Variants in VAV3 observed in about 807,000 individuals in gnomAD.
The protein encoded by VAV3 is guanine nucleotide exchange factor VAV3.
In VAV3, 94 loss-of-function variants were observed where a neutral mutation model predicts 131.2. The observed-to-expected ratio is 0.72, with a 90% CI of 0.61 to 0.85. The LOEUF (loss-of-function observed/expected upper bound fraction) is 0.85. VAV3 is among the 40% of genes least tolerant of loss of function. The probability of loss-of-function intolerance (pLI) is 0.00; values close to 1 mark genes in which losing one functional copy is unlikely to be tolerated. For synonymous variants in VAV3, 349 were observed against 342.0 expected (o/e 1.02, Z -0.22); for missense variants, 939 against 1,002.7 (o/e 0.94, Z 0.86).
At chr1:107,621,739 T>C (rs1032833335) in intron 20 of VAV3, among the ~76,000 whole-genome samples, 9 of 152,176 alleles carry the variant, frequency 5.9e-5, no homozygotes, top group African/African-American at 2.2e-4. Context: ...AATCATCTTT[T>C]AGTTATCCTC....
At chr1:107,740,647 T>C (rs954420448) in intron 15 of VAV3, among the ~76,000 whole-genome samples, 37 of 152,154 alleles carry the variant, frequency 2.4e-4, no homozygotes, top group Non-Finnish European at 5.1e-4. Flanking sequence ...GGCCACAGCG[T>C]GGTTTCATTA....
chr1:107,658,698 A>C (rs888537448), intron 19 of VAV3, among the ~76,000 whole-genome samples: 3 of 152,178 alleles, frequency 2.0e-5, no homozygotes, highest in Non-Finnish European at 2.9e-5. Context: ...TCTGATGGCC[A>C]GTGATGATGA....
intron 1 of VAV3, among the ~76,000 whole-genome samples, chr1:107,886,765 C>G (rs1253093945): frequency 1.3e-5 from 2 of 152,062 alleles, no homozygotes; most frequent in African/African-American, 4.8e-5. Context: ...CTCTCCCAAG[C>G]AGCACACCCC....
chr1:107,833,439 C>T (rs1668342238), intron 2 of VAV3, among the ~76,000 whole-genome samples: 1 of 152,184 alleles, frequency 6.6e-6, no homozygotes, highest in African/African-American at 2.4e-5. Flanking sequence ...ATCTTCATAA[C>T]ATAATTTTAA....
At chr1:107,577,893 T>C (rs1222835182) in intron 25 of VAV3, among the ~76,000 whole-genome samples, 1 of 152,204 alleles carries the variant, frequency 6.6e-6, no homozygotes, top group Non-Finnish European at 1.5e-5. Context: ...TAATCTGAAC[T>C]GTGACAAAAA....
intron 2 of VAV3, among the ~76,000 whole-genome samples, chr1:107,868,706 G>A (rs899399967): frequency 4.6e-5 from 7 of 152,296 alleles, no homozygotes; most frequent in Non-Finnish European, 1.0e-4. Flanking sequence ...GATAGGAGAT[G>A]TAGAGGCTTA....
At chr1:107,670,379 C>T (rs539241091) in intron 19 of VAV3, among the ~76,000 whole-genome samples, 1 of 152,212 alleles carries the variant, frequency 6.6e-6, no homozygotes, top group Non-Finnish European at 1.5e-5. Context: ...TACTTCTATA[C>T]CCTATGCCTG....
At position 107,857,781 on chromosome 1, in the gene VAV3, CA is replaced by C. The variant is rs201011870; in HGVS notation, c.321+17119del. Among the ~76,000 whole-genome samples the C allele has an allele frequency of 5.2e-3, 787 of 152,146 alleles. 10 individuals are homozygous for C. The highest frequency in any genetic ancestry group is 0.013 in the Admixed American group (196 of 15,272). On this transcript the variant is annotated intron_variant, in intron 2 of 26. Transcript: ENST00000370056. ...TCAGAAAAAGAATTGTCAACTTTAC[CA>C]AAAGACTTTGCTGGGCCTCTTAAAG...
chr1:107,726,950 TCACA>T (rs1661881595), intron 15 of VAV3, among the ~76,000 whole-genome samples: 1 of 151,770 alleles, frequency 6.6e-6, no homozygotes, highest in Admixed American at 6.6e-5. Context: ...ACACACACAC[TCACA>T]CAATGAGTAA....
chr1:107,670,447 A>T (rs568230450), intron 19 of VAV3, among the ~76,000 whole-genome samples: 3 of 152,226 alleles, frequency 2.0e-5, no homozygotes, highest in Non-Finnish European at 4.4e-5. Context: ...ATAACAGCCA[A>T]ATTAAAACCT....
chr1:107,773,935 ACTC>A lies in VAV3; in HGVS notation c.447-1095_447-1093del, dbSNP rs920482281. 2.2e-4 allele frequency among the ~76,000 whole-genome samples: 34 copies of A among 151,906 alleles called. 1 individual carries two copies. The South Asian group carries it at 3.3e-3, about 15-fold the overall frequency. ...TTTCCCTGGCACTCCTAATCCCAGAACTCCTGCTTGTCATCCCTAACATCACCA... is the reference window on the plus strand; with the variant it reads ...TTTCCCTGGCACTCCTAATCCCAGAACTGCTTGTCATCCCTAACATCACCA... On this transcript the variant is annotated intron_variant, in intron 4 of 26. Coordinates refer to ENST00000370056, the MANE Select transcript of VAV3 (RefSeq NM_006113.5).
Position 107,770,680 on chromosome 1 carries a change from G to C in VAV3, c.604C>G (p.Gln202Glu). The change falls in exon 6 of 27, where the codon CAG becomes GAG. Residue 202 changes from glutamine to glutamate, a missense_variant. Coordinates refer to ENST00000370056, the MANE Select transcript of VAV3 (RefSeq NM_006113.5). ...IRSCCLAEIK[Q>E]TEEKYTETLE... Reference sequence around the variant, plus strand: ...GTTTCTGTATATTTTTCTTCTGTCTGCTTAATTTCTGCTAGACAACAACTT... The same window carrying C: ...GTTTCTGTATATTTTTCTTCTGTCTCCTTAATTTCTGCTAGACAACAACTT... The C allele has an allele frequency of 6.2e-7, 1 of 1,611,970 alleles. No homozygotes were observed. Among genetic ancestry groups the C allele is most frequent in the African/African-American group, 1.3e-5 (1 of 74,942 alleles).
intron 15 of VAV3, among the ~76,000 whole-genome samples, chr1:107,706,557 G>C (rs17019743): frequency 0.099 from 15,121 of 152,152 alleles, 1,012 homozygotes; most frequent in East Asian, 0.27. Flanking sequence ...TTGTGTTACT[G>C]ATTAAAAATT....
chr1:107,879,445 T>C (rs994815544), intron 1 of VAV3, among the ~76,000 whole-genome samples: 2 of 152,222 alleles, frequency 1.3e-5, no homozygotes, highest in South Asian at 4.1e-4. Context: ...AAGCCAATTC[T>C]TATCTCACTG....
intron 17 of VAV3, among the ~76,000 whole-genome samples, chr1:107,703,810 G>C (rs1304325634): frequency 2.6e-5 from 4 of 151,920 alleles, no homozygotes; most frequent in Admixed American, 1.3e-4. Flanking sequence ...AGGTCTTATT[G>C]ATAAAAACAC....
At chr1:107,751,446 G>A (rs556580696) in intron 12 of VAV3, among the ~76,000 whole-genome samples, 1 of 152,072 alleles carries the variant, frequency 6.6e-6, no homozygotes, top group African/African-American at 2.4e-5. Context: ...TTCTTAAAGG[G>A]GAAATTAGCT....
chr1:107,844,694 C>T (rs1327923994), intron 2 of VAV3, among the ~76,000 whole-genome samples: 1 of 152,124 alleles, frequency 6.6e-6, no homozygotes, highest in Non-Finnish European at 1.5e-5. Context: ...CCAGGAAGTT[C>T]GGACTGGGTG....
intron 2 of VAV3, among the ~76,000 whole-genome samples, chr1:107,847,496 G>T (rs1669023338): frequency 1.3e-5 from 2 of 152,014 alleles, no homozygotes; most frequent in Admixed American, 1.3e-4. Context: ...CTGGTTTTTT[G>T]AAAAGATTAA....
chr1:107,795,899 T>C, intron 2 of VAV3, among the ~76,000 whole-genome samples: 1 of 152,182 alleles, frequency 6.6e-6, no homozygotes, highest in East Asian at 1.9e-4. Flanking sequence ...GACCGAAAGA[T>C]ATCCCCCATC....
Sources: allele counts gnomAD v4.1 joint callset (sites outside exome capture counted in the v4.1 genomes callset), GRCh38; gene constraint gnomAD v4.1.1; transcripts MANE v1.5; gene names NCBI Gene and HGNC (gene_info 2026-07-23, HGNC 2026-07-21).